PTCH2: variants seen among roughly 807,000 people sequenced by gnomAD.
PTCH2 encodes the protein patched 2.
In PTCH2, 96 loss-of-function variants were observed where a neutral mutation model predicts 117.9. The ratio of observed to expected loss-of-function variants is 0.81; its 90% CI spans 0.69 to 0.96. PTCH2 has a LOEUF of 0.96. PTCH2 is among the 50% of genes least tolerant of loss of function. The probability of loss-of-function intolerance (pLI) is 0.00; values close to 1 mark genes in which losing one functional copy is unlikely to be tolerated. For synonymous variants in PTCH2, 615 were observed against 660.9 expected (o/e 0.93, Z 1.06); for missense variants, 1,379 against 1,562.5 (o/e 0.88, Z 1.98).
At position 44,841,919 on chromosome 1, in the gene PTCH2, C is replaced by G; in HGVS notation, c.193G>C (p.Ala65Pro). 2 of 1,614,208 alleles carry G rather than the reference C, an allele frequency of 1.2e-6. No homozygotes were observed. The highest frequency in any genetic ancestry group is 8.5e-7 in the Non-Finnish European group (1 of 1,180,038). Residue 65 changes from alanine to proline, a missense_variant, in exon 2 of 22, where the codon GCC becomes CCC. Physicochemically the swap from Ala to Pro is conservative, Grantham distance 27. Coordinates refer to ENST00000372192, the MANE Select transcript of PTCH2 (RefSeq NM_003738.5). ...CGKVLFLGLLAFGALALGLRM... is the reference protein window; with the variant it reads ...CGKVLFLGLLPFGALALGLRM... ...AGACCTAATGCCAGGGCCCCAAAGGCCAACAGTCCCAGAAAGAGCACTTTG... is the reference window on the plus strand; with the variant it reads ...AGACCTAATGCCAGGGCCCCAAAGGGCAACAGTCCCAGAAAGAGCACTTTG...
downstream of PTCH2, among the ~76,000 whole-genome samples, chr1:44,821,589 G>A (rs758189097): frequency 1.3e-5 from 2 of 152,124 alleles, no homozygotes; most frequent in Non-Finnish European, 2.9e-5. Flanking sequence ...GCCGTTTCCC[G>A]TGCGGGTGAA....
chr1:44,829,377 G>A, intron 9 of PTCH2, 25 bp downstream of exon 9: 2 of 1,614,048 alleles, frequency 1.2e-6, no homozygotes, highest in Non-Finnish European at 1.7e-6. Flanking sequence ...TGGGGTGGGG[G>A]CAAGGTGCCA....
At position 44,830,984 on chromosome 1, in the gene PTCH2, C is replaced by A; in HGVS notation, c.677G>T (p.Gly226Val). The change falls in exon 6 of 22, where the codon GGT (glycine) becomes GTT (valine). Residue 226 changes from glycine to valine, a missense_variant. Coordinates refer to ENST00000372192, the MANE Select transcript of PTCH2 (RefSeq NM_003738.5). ...GAAGCCCTCAAGGGAGGCAAAGGGA[C>A]CCAGCTCCTCCAGCAGCTGCTCTGG... ...LDPEQLLEEL[G>V]PFASLEGFRE... 6.2e-7 allele frequency: 1 copy of A among 1,612,586 alleles called. No individual in the cohort carries two copies. Among genetic ancestry groups the A allele is most frequent in the South Asian group, 1.1e-5 (1 of 91,018 alleles).
At position 44,826,233 on chromosome 1, in the gene PTCH2, G is replaced by A. The variant is rs199995735; in HGVS notation, c.3114+17C>T. Reference sequence around the variant, plus strand: ...TGAATCAGCTGATTGGTCCCTCCCCGGGGTGCCCGTGCTCACCAGAGCCAC... The same window carrying A: ...TGAATCAGCTGATTGGTCCCTCCCCAGGGTGCCCGTGCTCACCAGAGCCAC... On this transcript the variant is annotated intron_variant, in intron 19 of 21. Transcript: ENST00000372192. The surrounding 1 kb of genome is among the most constrained non-coding windows in gnomAD (Gnocchi z 5.1). 24 of 1,613,276 alleles carry A rather than the reference G, an allele frequency of 1.5e-5. No individual in the cohort carries two copies. The African/African-American group carries it at 1.7e-4, about 12-fold the overall frequency.
downstream of PTCH2, chr1:44,820,631 G>T: frequency 1.4e-6 from 1 of 708,250 alleles, no homozygotes; most frequent in Non-Finnish European, 2.6e-6. Flanking sequence ...AATTCAGCCT[G>T]TCCAGACAGT....
At chr1:44,830,167 T>A in intron 6 of PTCH2, 137 bp from the exon 7 acceptor site, 1 of 1,225,230 alleles carries the variant, frequency 8.2e-7, no homozygotes, top group Non-Finnish European at 1.1e-6. Context: ...CTGAGCCTCT[T>A]GACTGCTCTG....
chr1:44,830,065 C>G, intron 6 of PTCH2, 35 bp from the exon 7 acceptor site: 2 of 1,611,022 alleles, frequency 1.2e-6, no homozygotes, highest in Non-Finnish European at 1.7e-6. Flanking sequence ...TGCTCAAGGC[C>G]CTGGCCGTGG....
chr1:44,820,462 G>A (rs1295253305), downstream of PTCH2: 1 of 683,564 alleles, frequency 1.5e-6, no homozygotes, highest in Admixed American at 2.0e-5. Context: ...ACACTCAGGG[G>A]CACTGGGACC....
In PTCH2 at chr1:44,829,627, C is replaced by G. The variant is rs746520151; in HGVS notation, c.1070G>C (p.Arg357Pro). Reference protein sequence around the residue: ...QASTVLQAWQRRFVQLAQEAL... With the variant: ...QASTVLQAWQPRFVQLAQEAL... ...GTCCATACCGACCTGCACAAAGCGC[C>G]GCTGCCAGGCTTGTAGCACTGTGCT... Residue 357 changes from arginine to proline, a missense_variant, in exon 8 of 22, where the codon CGG becomes CCG. By Grantham distance (103) the Arg-to-Pro change is moderately radical. Transcript: ENST00000372192. 4 of 1,614,216 alleles carry G rather than the reference C, an allele frequency of 2.5e-6. No individual in the cohort carries two copies. The South Asian group carries it at 4.4e-5, about 18-fold the overall frequency.
At chr1:44,820,267 C>G (rs1207588123), downstream of PTCH2, 2 of 423,442 alleles carry the variant, frequency 4.7e-6, no homozygotes, top group African/African-American at 2.0e-5. Flanking sequence ...GGTCACTGAT[C>G]TCCTTTGCTC....
At position 44,823,190 on chromosome 1, in the gene PTCH2, A is replaced by C. The variant is rs1438119967; in HGVS notation, c.3258-22T>G. On this transcript the variant is annotated intron_variant, in intron 20 of 21. Coordinates refer to ENST00000372192, the MANE Select transcript of PTCH2 (RefSeq NM_003738.5). This position sits in a 1 kb window ranked among gnomAD's most constrained non-coding sequence, Gnocchi z 5.1. ...GTACCTAGGGGTAGGGTGTGGGGGG[A>C]GTCAGCCCAGGCCTGTCCTGAGCCC... 2.5e-6 allele frequency: 4 copies of C among 1,613,962 alleles called. No homozygotes were observed. Among genetic ancestry groups the C allele is most frequent in the Non-Finnish European group, 3.4e-6 (4 of 1,179,934 alleles).
At position 44,827,433 on chromosome 1, in the gene PTCH2, G is replaced by A. The variant is rs2148875276; in HGVS notation, c.2340C>T (p.Thr780=). 1 of 1,614,082 alleles carries A rather than the reference G, an allele frequency of 6.2e-7. No individual in the cohort carries two copies. Among genetic ancestry groups the A allele is most frequent in the Non-Finnish European group, 8.5e-7 (1 of 1,180,006 alleles). The change falls in exon 15 of 22, where the codon ACC becomes ACT. Residue 780 remains threonine (T), a synonymous_variant. Transcript: ENST00000372192. ...GCCAGTTGCGGTAATAGTGCAGCCA[G>A]GTGCGGGGTGCCTGGGTGGCCGGTG... ...LPPPATQAPR[T]WLHYYRNWLQ...
intron 2 of PTCH2, among the ~76,000 whole-genome samples, chr1:44,835,214 GC>G (rs1310674902): frequency 6.6e-6 from 1 of 152,062 alleles, no homozygotes; most frequent in Non-Finnish European, 1.5e-5. Context: ...GTGCCACCAT[GC>G]CCAGTTAATG....
chr1:44,830,772 C>T (rs911010331), intron 6 of PTCH2, 76 bp downstream of exon 6: 3 of 1,434,800 alleles, frequency 2.1e-6, no homozygotes, highest in Non-Finnish European at 9.4e-7. Context: ...CAGTCAGCTC[C>T]CCCAGAACAC....
intron 2 of PTCH2, among the ~76,000 whole-genome samples, chr1:44,832,964 C>G (rs1173531161): frequency 6.6e-6 from 1 of 152,056 alleles, no homozygotes; most frequent in Non-Finnish European, 1.5e-5. Flanking sequence ...GAGGATGGGA[C>G]AGTCATTCAG....
Position 44,822,052 on chromosome 1 carries a change from G to A in PTCH2, c.*363C>T, listed in dbSNP as rs1652931011. 1.5e-6 allele frequency: 2 copies of A among 1,358,652 alleles called. No individual in the cohort carries two copies. The highest frequency in any genetic ancestry group is 1.9e-6 in the Non-Finnish European group (2 of 1,045,358). 84.2% of individuals were successfully genotyped at this position (1,358,652 alleles called of 1,614,324 possible). ...ATATAAATAATGGATGTGGTAGGAGGTGGGCAGGGATATGGAGAGCCTGCC... is the reference window on the plus strand; with the variant it reads ...ATATAAATAATGGATGTGGTAGGAGATGGGCAGGGATATGGAGAGCCTGCC... On this transcript the variant is annotated 3_prime_UTR_variant, in exon 22 of 22. Coordinates refer to ENST00000372192, the MANE Select transcript of PTCH2 (RefSeq NM_003738.5).
chr1:44,829,028 AG>A lies in PTCH2; in HGVS notation c.1417del (p.Leu473CysfsTer61), dbSNP rs1653297701. 2.6e-5 allele frequency: 42 copies of A among 1,588,458 alleles called. No individual in the cohort carries two copies. The highest frequency in any genetic ancestry group is 3.6e-5 in the Non-Finnish European group (42 of 1,167,246). On this transcript the variant is annotated frameshift_variant, in exon 11 of 22. Transcript: ENST00000372192. LOFTEE classifies it high-confidence loss of function. ...ALGIGVDDVF[L>X]LAHAFTEALP... ...AGCCTCTGTGAAGGCATGCGCCAGC[AG>A]GAATACGTCATCCACGCCGATTCCC...
chr1:44,821,730 A>G (rs1043407928), downstream of PTCH2: 6 of 1,230,450 alleles, frequency 4.9e-6, no homozygotes, highest in Admixed American at 3.2e-5. Flanking sequence ...CACACCAACA[A>G]AATTTGTTAT....
rs138866688 is a variant in PTCH2 at position 44,832,157 on chromosome 1, A to G, written c.450T>C (p.Tyr150=). The change falls in exon 3 of 22, where the codon TAT becomes TAC. Residue 150 remains tyrosine (Y), a synonymous_variant. Transcript: ENST00000372192. ...AGGGGCTCAGCCAGACTCACTTCCC[A>G]TAGAGTGATACTTGGACTTTACTGG... ...LTASKVQVSL[Y]GKSWDLNKIC... The G allele has an allele frequency of 2.5e-6, 4 of 1,614,024 alleles. No individual in the cohort carries two copies. Among genetic ancestry groups the G allele is most frequent in the Non-Finnish European group, 3.4e-6 (4 of 1,179,996 alleles).
Sources: gnomAD v4.1 joint callset for allele counts (sites outside exome capture counted in the v4.1 genomes callset) on GRCh38, gnomAD v4.1.1 for gene constraint, Gnocchi (gnomAD v3.1) non-coding constraint, MANE v1.5 for transcripts, NCBI Gene and HGNC (gene_info 2026-07-23, HGNC 2026-07-21) for gene names.